Variants in AEN observed in about 807,000 individuals in gnomAD.
AEN encodes apoptosis enhancing nuclease, also known as apoptosis-enhancing nuclease.
In AEN, 21 loss-of-function variants were observed where a neutral mutation model predicts 17.7. That is an observed-to-expected ratio of 1.19 (90% CI 0.84 to 1.71). AEN has a LOEUF of 1.71. AEN is among the 40% of genes most tolerant of loss of function. The pLI, the probability that AEN is intolerant of heterozygous loss-of-function variation, is 0.00. For synonymous variants in AEN, 190 were observed against 173.0 expected (o/e 1.10, Z -0.77); for missense variants, 462 against 435.9 (o/e 1.06, Z -0.53).
At position 88,626,160 on chromosome 15, in the gene AEN, G is replaced by A. The variant is rs779908042; in HGVS notation, c.-50G>A. ...TCTCTCTTCAGGCTGCTGCCCCATTGGAAGATTACTCCCCAGGCTTCCCTT... is the reference window on the plus strand; with the variant it reads ...TCTCTCTTCAGGCTGCTGCCCCATTAGAAGATTACTCCCCAGGCTTCCCTT... On this transcript the variant is annotated 5_prime_UTR_variant, in exon 2 of 4. Transcript: ENST00000332810. 4 of 1,517,434 alleles carry A rather than the reference G, an allele frequency of 2.6e-6. No individual in the cohort carries two copies. The highest frequency in any genetic ancestry group is 1.8e-6 in the Non-Finnish European group (2 of 1,136,620). 94.0% of individuals were successfully genotyped at this position (1,517,434 alleles called of 1,614,324 possible).
the AEN span, among the ~76,000 whole-genome samples, chr15:88,611,126 C>T: frequency 2.0e-5 from 3 of 152,308 alleles, no homozygotes; most frequent in East Asian, 3.9e-4. Context: ...GAATTTTCAC[C>T]ATGGGCCATG....
upstream of AEN, among the ~76,000 whole-genome samples, chr15:88,620,969 T>A (rs2057778362): frequency 6.8e-6 from 1 of 147,912 alleles, no homozygotes; most frequent in Non-Finnish European, 1.5e-5. Flanking sequence ...AGGGCCGATG[T>A]TCCCAATCTG....
chr15:88,629,172 T>C, intron 2 of AEN, 54 bp from the exon 3 acceptor site: 1 of 1,586,976 alleles, frequency 6.3e-7, no homozygotes, highest in Non-Finnish European at 8.6e-7. Context: ...GCGTGTCTCC[T>C]GCCAACCTGA....
rs1472337225 is a variant in AEN at position 88,630,196 on chromosome 15, A to G, written c.880A>G (p.Thr294Ala). The G allele has an allele frequency of 1.2e-6, 2 of 1,612,726 alleles. No homozygotes were observed. Among genetic ancestry groups the G allele is most frequent in the Non-Finnish European group, 8.5e-7 (1 of 1,179,474 alleles). Residue 294 changes from threonine (T) to alanine (A), a missense_variant, in exon 4 of 4, where the codon ACA becomes GCA. By Grantham distance (58) the Thr-to-Ala change is moderately conservative. Transcript: ENST00000332810. The surrounding 1 kb of genome is among the most constrained non-coding windows in gnomAD (Gnocchi z 5.1). ...CPEDREPDSS[T>A]DMEQYMEDQY... ...CGAGGACAGAGAACCTGACAGCAGCACAGACATGGAACAGTACATGGAGGA... is the reference window on the plus strand; with the variant it reads ...CGAGGACAGAGAACCTGACAGCAGCGCAGACATGGAACAGTACATGGAGGA...
chr15:88,613,591 G>T, the AEN span, among the ~76,000 whole-genome samples: 3 of 151,742 alleles, frequency 2.0e-5, no homozygotes, highest in Admixed American at 6.6e-5. Context: ...CATCTCGGGG[G>T]GGGATGTGGG....
the AEN span, among the ~76,000 whole-genome samples, chr15:88,612,868 T>C: frequency 6.6e-6 from 1 of 152,140 alleles, no homozygotes; most frequent in African/African-American, 2.4e-5. Context: ...CCCAAAGTGC[T>C]GGGAGTATAG....
the AEN span, among the ~76,000 whole-genome samples, chr15:88,612,867 C>T: frequency 3.9e-5 from 6 of 152,130 alleles, no homozygotes; most frequent in Admixed American, 6.5e-5. Flanking sequence ...TCCCAAAGTG[C>T]TGGGAGTATA....
At position 88,629,108 on chromosome 15, in the gene AEN, G is replaced by A. The variant is rs929366830; in HGVS notation, c.541-118G>A. 29 of 999,620 alleles carry A rather than the reference G, an allele frequency of 2.9e-5. No homozygotes were observed. In the South Asian group the frequency reaches 3.2e-4, roughly 11 times the overall value. 61.9% of individuals were successfully genotyped at this position (999,620 alleles called of 1,614,324 possible). On this transcript the variant is annotated intron_variant, in intron 2 of 3. Transcript: ENST00000332810. The stretch of plus-strand genomic sequence containing the variant: ...TGTGGAGCTCGTGATCTCCCCACTC[G>A]GTGCTGCCTCCCCCCACAGGGATCC...
chr15:88,626,217 C>A lies in AEN; in HGVS notation c.8C>A (p.Pro3His). 6.3e-7 allele frequency: 1 copy of A among 1,584,372 alleles called. No individual in the cohort carries two copies. Among genetic ancestry groups the A allele is most frequent in the Non-Finnish European group, 8.6e-7 (1 of 1,163,482 alleles). The change falls in exon 2 of 4, where the codon CCC becomes CAC. Residue 3 changes from proline to histidine, a missense_variant. By Grantham distance (77) the Pro-to-His change is moderately conservative. Transcript: ENST00000332810. ...AGCAGTGAGCTGACTGGAATGGTAC[C>A]CCGGGAGGCCCCTGAGTCTGCTCAG... MV[P>H]REAPESAQCL... is the part of the protein sequence containing the mutation.
At chr15:88,626,823 C>A in intron 2 of AEN, 74 bp downstream of exon 2, 1 of 1,495,830 alleles carries the variant, frequency 6.7e-7, no homozygotes. Flanking sequence ...TGAATCACCA[C>A]TTTGCTTCAC....
intron 3 of AEN, 97 bp downstream of exon 3, chr15:88,629,523 C>A: frequency 7.1e-7 from 1 of 1,410,542 alleles, no homozygotes; most frequent in Non-Finnish European, 9.7e-7. Flanking sequence ...CTCCAGCCTC[C>A]TTGTCATTCT....
the AEN span, among the ~76,000 whole-genome samples, chr15:88,616,294 G>A: frequency 7.0e-3 from 1,072 of 152,192 alleles, 12 homozygotes; most frequent in African/African-American, 0.023. Flanking sequence ...GAGTTTCACC[G>A]TGTTGGTCAG....
At position 88,630,767 on chromosome 15, in the gene AEN, C is replaced by A. The variant is rs757563706; in HGVS notation, c.*473C>A. On this transcript the variant is annotated 3_prime_UTR_variant, in exon 4 of 4. Transcript: ENST00000332810. The surrounding 1 kb of genome is among the most constrained non-coding windows in gnomAD (Gnocchi z 5.1). ...ATGACTTGGGGGTAAAGTTCTCTTC[C>A]TTTTGTTGCCTACCTCTTCCTCCAC... 8.7e-5 allele frequency: 19 copies of A among 219,254 alleles called. No homozygotes were observed. Among genetic ancestry groups the A allele is most frequent in the Non-Finnish European group, 1.7e-4 (18 of 105,374 alleles). The allele number at this position is 219,254 out of a possible 1,614,324, so 13.6% of individuals were successfully genotyped here.
At chr15:88,617,039 C>T (rs74519391), upstream of AEN, among the ~76,000 whole-genome samples, 3,110 of 151,192 alleles carry the variant, frequency 0.021, 114 homozygotes, top group African/African-American at 0.071. Flanking sequence ...ATTAAATGAA[C>T]GCAATGGAGT....
In AEN at chr15:88,630,201, C is replaced by T. The variant is rs556109465; in HGVS notation, c.885C>T (p.Asp295=). 5.9e-5 allele frequency: 95 copies of T among 1,612,336 alleles called. No homozygotes were observed. In the East Asian group the frequency reaches 2.0e-3, roughly 34 times the overall value. ...ACAGAGAACCTGACAGCAGCACAGACATGGAACAGTACATGGAGGACCAGT... is the reference window on the plus strand; with the variant it reads ...ACAGAGAACCTGACAGCAGCACAGATATGGAACAGTACATGGAGGACCAGT... ...PEDREPDSST[D]MEQYMEDQYW... is the part of the protein sequence containing the mutation. Residue 295 remains aspartate, a synonymous_variant, in exon 4 of 4, where the codon GAC becomes GAT. Transcript: ENST00000332810. This position sits in a 1 kb window ranked among gnomAD's most constrained non-coding sequence, Gnocchi z 5.1.
upstream of AEN, among the ~76,000 whole-genome samples, chr15:88,617,915 A>C (rs1228682721): frequency 6.6e-6 from 1 of 152,136 alleles, no homozygotes; most frequent in Admixed American, 6.6e-5. Context: ...GCCCACCCTC[A>C]GCCTAAACCA....
chr15:88,617,968 C>A (rs1282923206), upstream of AEN, among the ~76,000 whole-genome samples: 3 of 152,210 alleles, frequency 2.0e-5, no homozygotes, highest in African/African-American at 7.2e-5. Context: ...AACAGGCTGG[C>A]CTCAGGATAA....
upstream of AEN, among the ~76,000 whole-genome samples, chr15:88,618,918 C>T (rs6496509): frequency 0.018 from 2,734 of 152,270 alleles, 73 homozygotes; most frequent in African/African-American, 0.056. Flanking sequence ...GGGATCCTCC[C>T]ACTTCAGCCT....
intron 1 of AEN, among the ~76,000 whole-genome samples, chr15:88,623,199 T>C (rs1280867065): frequency 6.6e-6 from 1 of 152,146 alleles, no homozygotes; most frequent in African/African-American, 2.4e-5. Context: ...TGACTGTCAA[T>C]ATGAGGAAGT....
Sources: allele counts gnomAD v4.1 joint callset (sites outside exome capture counted in the v4.1 genomes callset), GRCh38; gene constraint gnomAD v4.1.1; non-coding constraint Gnocchi (gnomAD v3.1); transcripts MANE v1.5; gene names NCBI Gene and HGNC (gene_info 2026-07-23, HGNC 2026-07-21).